The following UCN3 variants were observed in gnomAD, a reference collection of about 807,000 sequenced individuals.
UCN3 encodes urocortin 3, also known as urocortin-3.
Under a neutral mutation model 3.6 loss-of-function variants are expected in UCN3, and 3 were observed. The observed-to-expected ratio is 0.83, with a 90% CI of 0.38 to 2.15. The LOEUF (loss-of-function observed/expected upper bound fraction) is 2.15. Ranked by LOEUF, UCN3 falls within the 30% of genes most tolerant of loss-of-function variation. The pLI is 0.06. For missense variants in UCN3, 206 were observed against 208.3 expected (o/e 0.99, Z 0.07); for synonymous variants, 100 against 93.2 (o/e 1.07, Z -0.42).
Position 5,366,243 on chromosome 10 carries a change from G to A in UCN3, c.-7+1013G>A, listed in dbSNP as rs368151322. 1.7e-4 allele frequency among the ~76,000 whole-genome samples: 26 copies of A among 152,298 alleles called. 1 individual carries two copies. The highest frequency in any genetic ancestry group is 5.8e-4 in the African/African-American group (24 of 41,564). On this transcript the variant is annotated intron_variant, in intron 1 of 1. Transcript: ENST00000380433. This position sits in a 1 kb window ranked among gnomAD's most constrained non-coding sequence, Gnocchi z 4.2. ...GTGCTTGGCTCTGCCACAGCTCCCA[G>A]AAGTAACTGTGTCTCTTTACAGCAT...
At chr10:5,373,412 C>T (rs2119113664) in intron 1 of UCN3, among the ~76,000 whole-genome samples, 1 of 152,256 alleles carries the variant, frequency 6.6e-6, no homozygotes, top group East Asian at 1.9e-4. Flanking sequence ...AAATAAAACC[C>T]ATAAATACTA....
chr10:5,369,860 T>TGGGG (rs1482616152), intron 1 of UCN3, among the ~76,000 whole-genome samples: 1 of 142,916 alleles, frequency 7.0e-6, no homozygotes, highest in African/African-American at 2.8e-5. Context: ...TTTATCCACG[T>TGGGG]GGGTGTGTGT....
rs1564444826 is a variant in UCN3, at chr10:5,373,858, C to T, written c.138C>T (p.Gly46=). The T allele has an allele frequency of 2.5e-6, 4 of 1,614,068 alleles. No individual in the cohort carries two copies. Among genetic ancestry groups the T allele is most frequent in the Non-Finnish European group, 3.4e-6 (4 of 1,179,978 alleles). ...LNTALSEAEK[G]QWEDASLLSK... The stretch of plus-strand genomic sequence containing the variant: ...CCGCCCTGTCTGAGGCTGAGAAGGG[C>T]CAGTGGGAGGATGCATCCCTGCTGA... Residue 46 remains glycine, a synonymous_variant, in exon 2 of 2, where the codon GGC becomes GGT. Transcript: ENST00000380433.
At chr10:5,370,107 GTATATGTGTGTGTA>G (rs1831338102) in intron 1 of UCN3, among the ~76,000 whole-genome samples, 2 of 100,394 alleles carry the variant, frequency 2.0e-5, no homozygotes, top group Non-Finnish European at 3.7e-5. Flanking sequence ...ATATGCGTGT[GTATATGTGTGTGTA>G]TGTGTGTGTA....
At chr10:5,370,063 A>ATGTGTATG (rs1831333719) in intron 1 of UCN3, among the ~76,000 whole-genome samples, 1 of 42,158 alleles carries the variant, frequency 2.4e-5, no homozygotes, top group Non-Finnish European at 4.6e-5. Context: ...ATGTGTGTGT[A>ATGTGTATG]TATGTGTGTA....
chr10:5,370,540 CGTGTATATGT>C lies in UCN3; in HGVS notation c.-6-3160_-6-3151del, dbSNP rs1437758162. ...GTGTGTGTATGTGTGTGTGTATATG[CGTGTATATGT>C]GTGTATATGTGTGTGTATATGCGTG... On this transcript the variant is annotated intron_variant, in intron 1 of 1. Transcript: ENST00000380433. 3.3e-3 allele frequency among the ~76,000 whole-genome samples: 71 copies of C among 21,200 alleles called. 11 individuals carry two copies. The highest frequency in any genetic ancestry group is 9.1e-3 in the Admixed American group (12 of 1,322). The allele number at this position is 21,200 out of a possible 152,430, so 13.9% of individuals were successfully genotyped here.
chr10:5,368,188 G>A (rs1466104995), intron 1 of UCN3, among the ~76,000 whole-genome samples: 1 of 151,972 alleles, frequency 6.6e-6, no homozygotes, highest in African/African-American at 2.4e-5. Context: ...ATTTTTAGTA[G>A]AGACAGGGTT....
At chr10:5,368,474 T>C (rs1394077867) in intron 1 of UCN3, among the ~76,000 whole-genome samples, 1 of 152,090 alleles carries the variant, frequency 6.6e-6, no homozygotes, top group Non-Finnish European at 1.5e-5. Flanking sequence ...TCCCCTGCTC[T>C]CACAGAGGAA....
rs549984837 is a variant in UCN3 at position 5,370,960 on chromosome 10, G to A, written c.-6-2755G>A. Among the ~76,000 whole-genome samples the A allele has an allele frequency of 2.0e-3, 269 of 133,380 alleles. 16 individuals are homozygous for A. The highest frequency in any genetic ancestry group is 6.6e-3 in the Admixed American group (88 of 13,274). 87.5% of individuals were successfully genotyped at this position (133,380 alleles called of 152,430 possible). A position where few individuals can be genotyped will look rare whatever the true frequency, so the allele number is the denominator to read the frequency against. On this transcript the variant is annotated intron_variant, in intron 1 of 1. Coordinates refer to ENST00000380433, the MANE Select transcript of UCN3 (RefSeq NM_053049.4). ...GTTCATGTGTATGTGTGTAAGGTGT[G>A]TGTGTGTGTATGTATGTACATGTGA...
rs10400089 is a variant in UCN3 at position 5,367,351 on chromosome 10, G to A, written c.-7+2121G>A. 0.31 allele frequency among the ~76,000 whole-genome samples: 47,902 copies of A among 152,084 alleles called. 7,797 individuals are homozygous for A. The highest frequency in any genetic ancestry group is 0.48 in the South Asian group (2,337 of 4,824). On this transcript the variant is annotated intron_variant, in intron 1 of 1. Coordinates refer to ENST00000380433, the MANE Select transcript of UCN3 (RefSeq NM_053049.4). The surrounding 1 kb of genome is among the most constrained non-coding windows in gnomAD (Gnocchi z 4.3). ...TGCCATATAAAAGATTTTTTCCTCT[G>A]TGATACGTAACAACATGATTTGCAG...
At chr10:5,368,812 C>CATTTAAGGAAAGA (rs1831291480) in intron 1 of UCN3, among the ~76,000 whole-genome samples, 2 of 152,064 alleles carry the variant, frequency 1.3e-5, no homozygotes, top group South Asian at 4.1e-4. Flanking sequence ...CTATTGAATG[C>CATTTAAGGAAAGA]AACATTTAAG....
intron 1 of UCN3, among the ~76,000 whole-genome samples, chr10:5,368,395 T>G (rs1478828195): frequency 7.2e-5 from 11 of 152,182 alleles, no homozygotes; most frequent in African/African-American, 2.4e-4. Flanking sequence ...CCAGTGCTTT[T>G]CGTAGAGGGA....
intron 1 of UCN3, among the ~76,000 whole-genome samples, chr10:5,368,674 G>A (rs1554810912): frequency 6.6e-6 from 1 of 152,142 alleles, no homozygotes; most frequent in African/African-American, 2.4e-5. Context: ...GGGTTAGCAA[G>A]CCATTCGAAA....
In UCN3 at chr10:5,374,524, T is replaced by G; in HGVS notation, c.*318T>G. The G allele has an allele frequency of 3.5e-6, 1 of 286,068 alleles. No individual in the cohort carries two copies. The highest frequency in any genetic ancestry group is 6.7e-6 in the Non-Finnish European group (1 of 148,428). 17.7% of individuals were successfully genotyped at this position (286,068 alleles called of 1,614,324 possible). The stretch of plus-strand genomic sequence containing the variant: ...GCAAGAGGCAAAGTTCATGCATTCC[T>G]CCTCTCCAGTCTTCTCTCTGTTGAC... On this transcript the variant is annotated 3_prime_UTR_variant, in exon 2 of 2. Transcript: ENST00000380433.
chr10:5,370,269 A>G lies in UCN3; in HGVS notation c.-6-3446A>G, dbSNP rs370675999. 2.0e-3 allele frequency among the ~76,000 whole-genome samples: 133 copies of G among 65,614 alleles called. 15 individuals are homozygous for G. The highest frequency in any genetic ancestry group is 2.9e-3 in the African/African-American group (47 of 16,058). 43.0% of individuals were successfully genotyped at this position (65,614 alleles called of 152,430 possible). On this transcript the variant is annotated intron_variant, in intron 1 of 1. Transcript: ENST00000380433. ...TGTATGCGTGTGTATATGCGTGTGT[A>G]TATGCGTGTGTATATGCGTGTGTGT...
Position 5,373,986 on chromosome 10 carries a change from G to C in UCN3, c.266G>C (p.Gly89Ala). The C allele has an allele frequency of 1.9e-6, 3 of 1,610,638 alleles. No individual in the cohort carries two copies. The highest frequency in any genetic ancestry group is 2.5e-6 in the Non-Finnish European group (3 of 1,178,476). ...TTCCCCATCTCTGGGGCCAGGGGTG[G>C]AGCCAGAGGCACCCGGTACAGATAC... ...KTFPISGARGGARGTRYRYVS... is the reference protein window; with the variant it reads ...KTFPISGARGAARGTRYRYVS... The change falls in exon 2 of 2, where the codon GGA becomes GCA. Residue 89 changes from glycine to alanine, a missense_variant. Coordinates refer to ENST00000380433, the MANE Select transcript of UCN3 (RefSeq NM_053049.4).
At chr10:5,369,749 G>C (rs977792427) in intron 1 of UCN3, among the ~76,000 whole-genome samples, 1 of 152,196 alleles carries the variant, frequency 6.6e-6, no homozygotes, top group Non-Finnish European at 1.5e-5. Flanking sequence ...AGCAAAACCT[G>C]ATTTCTTAGA....
chr10:5,369,194 C>G (rs1554810970), intron 1 of UCN3, among the ~76,000 whole-genome samples: 3 of 152,194 alleles, frequency 2.0e-5, no homozygotes, highest in African/African-American at 7.2e-5. Context: ...TACGATACAA[C>G]AAGGACATTG....
intron 1 of UCN3, among the ~76,000 whole-genome samples, chr10:5,370,832 TGTGTGC>T (rs1554811397): frequency 4.1e-4 from 40 of 96,734 alleles, no homozygotes; most frequent in Middle Eastern, 0.011. Context: ...TGCGCGCGTG[TGTGTGC>T]GCGTGTGTGT....
Sources: allele counts gnomAD v4.1 joint callset (sites outside exome capture counted in the v4.1 genomes callset), GRCh38; gene constraint gnomAD v4.1.1; non-coding constraint Gnocchi (gnomAD v3.1); transcripts MANE v1.5; gene names NCBI Gene and HGNC (gene_info 2026-07-23, HGNC 2026-07-21).